The following ACAT2 variants were observed in gnomAD, a reference collection of about 807,000 sequenced individuals.
ACAT2 encodes acetyl-CoA acetyltransferase 2, also known as acetyl-CoA acetyltransferase, cytosolic.
A neutral mutation model predicts 37.1 loss-of-function variants in ACAT2; 26 were observed. The observed-to-expected ratio is 0.70, with a 90% confidence interval of 0.51 to 0.97. The LOEUF is 0.97. Ranked by LOEUF, ACAT2 falls within the 50% of genes least tolerant of loss-of-function variation. The pLI, the probability that ACAT2 is intolerant of heterozygous loss-of-function variation, is 0.00. For synonymous variants in ACAT2, 156 were observed against 163.6 expected (o/e 0.95, Z 0.35); for missense variants, 468 against 489.0 (o/e 0.96, Z 0.40).
At chr6:159,770,731 C>G (rs1780322019) in intron 4 of ACAT2, among the ~76,000 whole-genome samples, 1 of 152,114 alleles carries the variant, frequency 6.6e-6, no homozygotes, top group South Asian at 2.1e-4. Context: ...GAAGATAGAT[C>G]ATATACACGA....
chr6:159,777,607 C>T, intron 7 of ACAT2, 151 bp downstream of exon 7: 1 of 981,478 alleles, frequency 1.0e-6, no homozygotes, highest in South Asian at 1.8e-5. Flanking sequence ...CTCTGTTGTC[C>T]AGGCTGGAGT....
At chr6:159,778,533 A>C (rs1292781857) in intron 8 of ACAT2, 126 bp from the exon 9 acceptor site, 2 of 1,059,268 alleles carry the variant, frequency 1.9e-6, no homozygotes, top group Non-Finnish European at 2.7e-6. Context: ...ATTCCTAAGC[A>C]GTTAAAATGA....
chr6:159,768,011 A>G (rs573451286), intron 3 of ACAT2, among the ~76,000 whole-genome samples: 14 of 152,334 alleles, frequency 9.2e-5, no homozygotes, highest in African/African-American at 2.4e-4. Flanking sequence ...TCTAAGTCCA[A>G]TCAATGACTC....
rs776706253 is a variant in ACAT2 at position 159,777,474 on chromosome 6, C to A, written c.912+18C>A. 6.2e-7 allele frequency: 1 copy of A among 1,601,236 alleles called. No individual in the cohort carries two copies. Among genetic ancestry groups the A allele is most frequent in the Non-Finnish European group, 8.5e-7 (1 of 1,175,160 alleles). ...AGCAAGCTGTGAGTATAACCCTATT[C>A]CCTTTTATGAAATTTGTCTTCCTGT... is the stretch of plus-strand genomic sequence containing the variant. On this transcript the variant is annotated intron_variant, in intron 7 of 8. Transcript: ENST00000367048.
Position 159,775,249 on chromosome 6 carries a change from G to A in ACAT2, c.570G>A (p.Glu190=). The change falls in exon 5 of 9, where the codon GAG becomes GAA. Residue 190 remains glutamate (E), a synonymous_variant. Transcript: ENST00000367048. ...CAGTTCTGTCCCAGAACAGGACAGAGAATGCACAGAAAGCTGGCCATTTTG... is the reference window on the plus strand; with the variant it reads ...CAGTTCTGTCCCAGAACAGGACAGAAAATGCACAGAAAGCTGGCCATTTTG... The part of the protein sequence containing the change: ...KVAVLSQNRT[E]NAQKAGHFDK... 1.2e-6 allele frequency: 2 copies of A among 1,614,218 alleles called. No individual in the cohort carries two copies. Among genetic ancestry groups the A allele is most frequent in the Admixed American group, 1.7e-5 (1 of 60,026 alleles).
At chr6:159,776,933 C>T (rs59081334) in intron 6 of ACAT2, among the ~76,000 whole-genome samples, 6,571 of 152,228 alleles carry the variant, frequency 0.043, 236 homozygotes, top group African/African-American at 0.082. Context: ...GGACTACAGG[C>T]GCACACCACC....
Position 159,763,012 on chromosome 6 carries a change from A to C in ACAT2, c.149A>C (p.Glu50Ala), listed in dbSNP as rs538210662. ...EVLKRATVAP[E>A]DVSEVIFGHV... ...TTGAAGAGGGCCACTGTGGCTCCGG[A>C]AGATGTGTCTGAGGTCATCTTTGGA... The change falls in exon 2 of 9, where the codon GAA becomes GCA. Residue 50 changes from glutamate (E) to alanine (A), a missense_variant. Physicochemically the swap from Glu to Ala is moderately radical, Grantham distance 107. Transcript: ENST00000367048. The C allele has an allele frequency of 1.1e-5, 17 of 1,614,102 alleles. No individual in the cohort carries two copies. In the South Asian group the frequency reaches 1.5e-4, roughly 15 times the overall value.
At chr6:159,765,617 A>G (rs929166858) in intron 2 of ACAT2, among the ~76,000 whole-genome samples, 2 of 149,686 alleles carry the variant, frequency 1.3e-5, no homozygotes, top group Non-Finnish European at 3.0e-5. Context: ...TTTAGTAGAG[A>G]GGGGGGGTTT....
Position 159,775,172 on chromosome 6 carries a change from G to GA in ACAT2, c.497dup (p.Asn166LysfsTer10). On this transcript the variant is annotated frameshift_variant, in exon 5 of 9. Coordinates refer to ENST00000367048, the MANE Select transcript of ACAT2 (RefSeq NM_005891.3). LOFTEE classifies it high-confidence loss of function. The stretch of plus-strand genomic sequence containing the variant: ...TTGCTGTTTTTCTCCTTTCCCAGCT[G>GA]AAAATGTAGCCAAAAAATGGCAAGT... The GA allele has an allele frequency of 1.2e-6, 2 of 1,613,246 alleles. No individual in the cohort carries two copies. Among genetic ancestry groups the GA allele is most frequent in the Non-Finnish European group, 8.5e-7 (1 of 1,179,692 alleles).
rs748011161 is a variant in ACAT2, at chr6:159,777,459, G to A, written c.912+3G>A. The A allele has an allele frequency of 2.6e-5, 42 of 1,612,364 alleles. No homozygotes were observed. The highest frequency in any genetic ancestry group is 3.6e-5 in the Non-Finnish European group (42 of 1,179,460). On this transcript the variant is annotated splice_donor_region_variant and intron_variant, in intron 7 of 8. Transcript: ENST00000367048. ...CAATTCCAGCCATAAAGCAAGCTGT[G>A]AGTATAACCCTATTCCCTTTTATGA... is the stretch of plus-strand genomic sequence containing the variant.
rs375969801 is a variant in ACAT2, at chr6:159,778,809, A to T, written c.1174A>T (p.Met392Leu). ...CATTGGGGGTGGGATGGGAATAGCA[A>T]TGTGTGTTCAGAGAGAATGAATTGC... ...LCIGGGMGIA[M>L]CVQRE The change falls in exon 9 of 9, where the codon ATG (methionine) becomes TTG (leucine). Residue 392 changes from methionine to leucine, a missense_variant. Coordinates refer to ENST00000367048, the MANE Select transcript of ACAT2 (RefSeq NM_005891.3). 9 of 1,614,214 alleles carry T rather than the reference A, an allele frequency of 5.6e-6. No homozygotes were observed. The African/African-American group carries it at 1.2e-4, about 22-fold the overall frequency.
chr6:159,762,241 G>T (rs1168904607), intron 1 of ACAT2, 99 bp downstream of exon 1: 2 of 1,427,292 alleles, frequency 1.4e-6, no homozygotes, highest in Non-Finnish European at 1.9e-6. Flanking sequence ...GTATGTGGAG[G>T]AAGCCGGTCA....
At chr6:159,762,503 A>C (rs1190570584) in intron 1 of ACAT2, 5 of 1,299,292 alleles carry the variant, frequency 3.8e-6, no homozygotes, top group African/African-American at 1.5e-5. Flanking sequence ...CAGGGGCGGA[A>C]CTGCTAGGTG....
chr6:159,768,167 T>G (rs113151847), intron 3 of ACAT2, among the ~76,000 whole-genome samples: 5 of 152,348 alleles, frequency 3.3e-5, no homozygotes, highest in African/African-American at 1.2e-4. Flanking sequence ...ATTGTTAGCT[T>G]TACTTAAGCC....
intron 6 of ACAT2, among the ~76,000 whole-genome samples, 163 bp from the exon 7 acceptor site, chr6:159,777,139 A>G (rs1224253184): frequency 6.6e-6 from 1 of 152,224 alleles, no homozygotes; most frequent in African/African-American, 2.4e-5. Context: ...TGTGGTCAAT[A>G]TATTGCCAAA....
rs746882014 is a variant in ACAT2, at chr6:159,778,159, C to A, written c.913-11C>A. 1 of 1,587,002 alleles carries A rather than the reference C, an allele frequency of 6.3e-7. No individual in the cohort carries two copies. Among genetic ancestry groups the A allele is most frequent in the Non-Finnish European group, 8.6e-7 (1 of 1,159,634 alleles). ...AAGTTTAGACCTCTTTTCTATGAAT[C>A]TTTCCTCTAGGTTACAAAAGCAGGT... On this transcript the variant is annotated splice_polypyrimidine_tract_variant and intron_variant, in intron 7 of 8. Coordinates refer to ENST00000367048, the MANE Select transcript of ACAT2 (RefSeq NM_005891.3).
intron 7 of ACAT2, 107 bp downstream of exon 7, chr6:159,777,563 G>C (rs1180618387): frequency 2.0e-5 from 26 of 1,277,518 alleles, no homozygotes; most frequent in Non-Finnish European, 2.7e-5. Context: ...GAGTAACCAA[G>C]AGCATTTATT....
At chr6:159,777,782 T>C (rs1004454491) in intron 7 of ACAT2, among the ~76,000 whole-genome samples, 5 of 152,182 alleles carry the variant, frequency 3.3e-5, no homozygotes, top group Non-Finnish European at 5.9e-5. Context: ...CTGAGTTCAA[T>C]TGATCCTCTT....
intron 8 of ACAT2, 43 bp from the exon 9 acceptor site, chr6:159,778,616 T>A (rs1347810680): frequency 6.3e-7 from 1 of 1,597,616 alleles, no homozygotes. Flanking sequence ...TTAAACTGTG[T>A]CCACAGAAGA....
Sources: gnomAD v4.1 joint callset for allele counts (sites outside exome capture counted in the v4.1 genomes callset) on GRCh38, gnomAD v4.1.1 for gene constraint, MANE v1.5 for transcripts, NCBI Gene and HGNC (gene_info 2026-07-23, HGNC 2026-07-21) for gene names.